The following ANKRD26 variants were observed in gnomAD, a reference collection of about 807,000 sequenced individuals.
ANKRD26 encodes ankyrin repeat domain-containing protein 26.
Under a neutral mutation model 208.7 loss-of-function variants are expected in ANKRD26, and 141 were observed. The ratio of observed to expected loss-of-function variants is 0.68; its 90% CI spans 0.59 to 0.78. The LOEUF is 0.78. ANKRD26 is among the 30% of genes least tolerant of loss of function. The probability of loss-of-function intolerance (pLI) is 0.00; values close to 1 mark genes in which losing one functional copy is unlikely to be tolerated. For missense variants in ANKRD26, 1,889 were observed against 1,938.7 expected (o/e 0.97, Z 0.48); for synonymous variants, 636 against 660.4 (o/e 0.96, Z 0.57).
intron 9 of ANKRD26, among the ~76,000 whole-genome samples, chr10:27,073,365 C>T (rs2055574992): frequency 6.6e-6 from 1 of 152,190 alleles, no homozygotes; most frequent in South Asian, 2.1e-4. Flanking sequence ...TTCAGGGTGA[C>T]TGCATCCCAC....
chr10:27,005,667 A>C lies in ANKRD26; in HGVS notation c.5056T>G (p.Ser1686Ala). Residue 1686 changes from serine to alanine, a missense_variant, in exon 34 of 34, where the codon TCA becomes GCA. This residue lies in a region of ANKRD26 where 613 missense variants were observed against 648.2 expected (regional missense o/e 0.95). Coordinates refer to ENST00000376087, the MANE Select transcript of ANKRD26 (RefSeq NM_014915.3). ...IASPLGSTDE[S>A]NLNQDLVWKA... ...CAAACTAGATCTTGATTTAGATTTG[A>C]CTCATCAGTAGACCCTAGAGGGGAA... The C allele has an allele frequency of 6.2e-7, 1 of 1,613,160 alleles. No homozygotes were observed. The highest frequency in any genetic ancestry group is 8.5e-7 in the Non-Finnish European group (1 of 1,179,490).
chr10:27,079,618 C>T (rs952397694), intron 6 of ANKRD26, among the ~76,000 whole-genome samples: 4 of 152,126 alleles, frequency 2.6e-5, no homozygotes, highest in Non-Finnish European at 5.9e-5. Context: ...CTTTGGGAGG[C>T]GGAGGCAGGA....
downstream of ANKRD26, among the ~76,000 whole-genome samples, chr10:26,987,952 T>C (rs1287505044): frequency 2.0e-5 from 3 of 152,176 alleles, no homozygotes; most frequent in African/African-American, 7.2e-5. Context: ...TGGTGATCAC[T>C]AGGTTTCTGG....
At chr10:26,962,168 A>G in the ANKRD26 span, among the ~76,000 whole-genome samples, 12 of 151,844 alleles carry the variant, frequency 7.9e-5, no homozygotes, top group Non-Finnish European at 1.6e-4. Context: ...GGTGGCTCAT[A>G]CCTGTAATCC....
In ANKRD26 at chr10:27,035,179, T is replaced by C; in HGVS notation, c.3271A>G (p.Thr1091Ala). Reference protein sequence around the residue: ...HHTRDALREKTLGLERVQKDL... With the variant: ...HHTRDALREKALGLERVQKDL... ...TTTTGTACCCGTTCTAAACCCAAAG[T>C]CTTTTCTCTGAGGGCATCTCTCGTG... The change falls in exon 24 of 34, where the codon ACT becomes GCT. Residue 1091 changes from threonine (T) to alanine (A), a missense_variant. Around this residue, in one of 3 missense-constraint regions of ANKRD26, gnomAD observed 1,272 missense variants for 1,273.8 expected, o/e 1.00. Transcript: ENST00000376087. 1.9e-6 allele frequency: 3 copies of C among 1,614,060 alleles called. No individual in the cohort carries two copies. The highest frequency in any genetic ancestry group is 2.5e-6 in the Non-Finnish European group (3 of 1,179,936).
chr10:27,027,578 C>A (rs2053705720), intron 27 of ANKRD26, among the ~76,000 whole-genome samples: 1 of 152,056 alleles, frequency 6.6e-6, no homozygotes, highest in Admixed American at 6.5e-5. Context: ...CTATCATAAT[C>A]TTTTTTATTA....
At chr10:26,996,524 C>A (rs1198608512) in intron 4 of ANKRD26, among the ~76,000 whole-genome samples, 4 of 152,210 alleles carry the variant, frequency 2.6e-5, no homozygotes, top group Non-Finnish European at 4.4e-5. Context: ...TGCGCCACTG[C>A]ACTCCAGCCT....
rs201128867 is a variant in ANKRD26 at position 27,079,146 on chromosome 10, C to T, written c.756G>A (p.Pro252=). The T allele has an allele frequency of 1.4e-4, 232 of 1,613,632 alleles. 2 individuals are homozygous for T. The South Asian group carries it at 1.8e-3, about 12-fold the overall frequency. Residue 252 remains proline, a synonymous_variant, in exon 7 of 34, where the codon CCG becomes CCA. Coordinates refer to ENST00000376087, the MANE Select transcript of ANKRD26 (RefSeq NM_014915.3). ...EDSLSRLSGK[P]GVDDSWPTSD... is the part of the protein sequence containing the mutation. Reference sequence around the variant, plus strand: ...AGGTAGGCCATGAATCATCAACACCCGGTTTGCCAGAAAGCCTTTAGAACA... The same window carrying T: ...AGGTAGGCCATGAATCATCAACACCTGGTTTGCCAGAAAGCCTTTAGAACA...
chr10:26,997,982 C>T (rs1000647193), intron 4 of ANKRD26, among the ~76,000 whole-genome samples: 1 of 152,168 alleles, frequency 6.6e-6, no homozygotes, highest in Non-Finnish European at 1.5e-5. Flanking sequence ...ACTTCATAGC[C>T]CCCACGGCCT....
intron 9 of ANKRD26, among the ~76,000 whole-genome samples, chr10:27,072,391 T>C (rs1324661716): frequency 1.8e-4 from 27 of 152,212 alleles, no homozygotes; most frequent in Admixed American, 1.8e-3. Flanking sequence ...GCCAGGGAAC[T>C]GCCCTCTGAT....
At chr10:27,046,167 C>T in intron 18 of ANKRD26, 186 bp downstream of exon 18, 1 of 646,634 alleles carries the variant, frequency 1.5e-6, no homozygotes, top group Non-Finnish European at 2.6e-6. Flanking sequence ...CCACTATAGT[C>T]AGGGCTCCAT....
downstream of ANKRD26, chr10:27,004,043 T>C (rs527278409): frequency 2.0e-5 from 3 of 152,308 alleles, no homozygotes; most frequent in South Asian, 4.1e-4. Context: ...ACTACAGTTA[T>C]GTAAGGTAAT....
In ANKRD26 at chr10:27,066,811, T is replaced by A. The variant is rs6482592; in HGVS notation, c.1208-263A>T. ...TGTTAATTGGTTGTCTTAGAATAGA[T>A]TTTTTTTTTTTTTTGAGACAGAGTC... On this transcript the variant is annotated intron_variant, in intron 10 of 33. Transcript: ENST00000376087. Among the ~76,000 whole-genome samples, 123,070 of 149,814 alleles carry A rather than the reference T, an allele frequency of 0.82. 50,525 individuals are homozygous for A. The highest frequency in any genetic ancestry group is 0.98 in the East Asian group (5,024 of 5,140).
chr10:27,051,780 G>A (rs2054670474), intron 16 of ANKRD26: 15 of 985,298 alleles, frequency 1.5e-5, no homozygotes, highest in Non-Finnish European at 1.8e-5. Context: ...TATATTATTT[G>A]TCAAAGAAGA....
At chr10:27,093,285 C>T in intron 3 of ANKRD26, 64 bp downstream of exon 3, 1 of 1,481,908 alleles carries the variant, frequency 6.7e-7, no homozygotes, top group Non-Finnish European at 9.3e-7. Flanking sequence ...CTAACCCTTA[C>T]ATATGTCACT....
chr10:27,089,318 C>T (rs568999729), intron 4 of ANKRD26, among the ~76,000 whole-genome samples: 4 of 152,276 alleles, frequency 2.6e-5, no homozygotes, highest in Admixed American at 2.6e-4. Context: ...AGCAGATGGC[C>T]CCCAGGGGGA....
chr10:27,040,354 G>C (rs1185049488), intron 20 of ANKRD26, among the ~76,000 whole-genome samples, 176 bp from the exon 21 acceptor site: 1 of 152,172 alleles, frequency 6.6e-6, no homozygotes, highest in African/African-American at 2.4e-5. Context: ...CACTTGCTTA[G>C]CTTAAAGTAT....
chr10:26,986,637 C>T (rs1186147452), intron 3 of ANKRD26, among the ~76,000 whole-genome samples: 2 of 152,046 alleles, frequency 1.3e-5, no homozygotes, highest in Non-Finnish European at 2.9e-5. Context: ...ACAGACACTT[C>T]TCAAAAGAAG....
At chr10:27,072,501 T>C (rs1667644038) in intron 9 of ANKRD26, among the ~76,000 whole-genome samples, 1 of 152,122 alleles carries the variant, frequency 6.6e-6, no homozygotes, top group South Asian at 2.1e-4. Context: ...CCACCTGCCA[T>C]GGTAGCATAA....
Sources: gnomAD v4.1 joint callset for allele counts (sites outside exome capture counted in the v4.1 genomes callset) on GRCh38, gnomAD v4.1.1 for gene constraint, gnomAD v4.1.1 regional missense constraint, MANE v1.5 for transcripts, NCBI Gene and HGNC (gene_info 2026-07-23, HGNC 2026-07-21) for gene names.